CYYR1: variants seen among roughly 807,000 people sequenced by gnomAD.
CYYR1 encodes cysteine and tyrosine rich 1, also known as cysteine and tyrosine-rich protein 1.
A neutral mutation model predicts 15.2 loss-of-function variants in CYYR1; 14 were observed. The observed-to-expected ratio is 0.92, with a 90% CI of 0.61 to 1.44. The LOEUF (loss-of-function observed/expected upper bound fraction) is 1.44. Ranked by LOEUF, CYYR1 falls within the 40% of genes most tolerant of loss-of-function variation. CYYR1 has a pLI of 0.00. For missense variants in CYYR1, 228 were observed against 209.5 expected (o/e 1.09, Z -0.54); for synonymous variants, 80 against 77.4 (o/e 1.03, Z -0.18).
chr21:26,507,329 G>C (rs890690175), intron 2 of CYYR1, among the ~76,000 whole-genome samples: 1 of 152,062 alleles, frequency 6.6e-6, no homozygotes, highest in Non-Finnish European at 1.5e-5. Context: ...ACTATAGTAA[G>C]GAAAAAAGAG....
intron 2 of CYYR1, among the ~76,000 whole-genome samples, chr21:26,520,113 G>GATATATATATATATATATATATAT (rs71183558): frequency 8.3e-6 from 1 of 120,698 alleles, no homozygotes; most frequent in African/African-American, 3.4e-5. Flanking sequence ...AAACCCAGGA[G>GATATATATATATATATATATATAT]ATATATATAT....
intron 1 of CYYR1, among the ~76,000 whole-genome samples, chr21:26,567,596 G>A (rs972703927): frequency 2.6e-5 from 4 of 152,010 alleles, no homozygotes; most frequent in Non-Finnish European, 4.4e-5. Context: ...AAAACATTAA[G>A]TACAGTCTGA....
At chr21:26,527,324 C>T (rs1442920021) in intron 2 of CYYR1, among the ~76,000 whole-genome samples, 1 of 152,106 alleles carries the variant, frequency 6.6e-6, no homozygotes, top group Non-Finnish European at 1.5e-5. Flanking sequence ...AGTATTATGG[C>T]CTCTTTTTTA....
chr21:26,556,337 C>A (rs1469257899), intron 2 of CYYR1, among the ~76,000 whole-genome samples: 1 of 152,064 alleles, frequency 6.6e-6, no homozygotes, highest in Non-Finnish European at 1.5e-5. Flanking sequence ...ATCTATTAGG[C>A]CCTGTGGCTT....
chr21:26,476,683 T>C (rs1207041302), intron 3 of CYYR1, among the ~76,000 whole-genome samples: 2 of 152,066 alleles, frequency 1.3e-5, no homozygotes, highest in Non-Finnish European at 2.9e-5. Flanking sequence ...GACTCAATAA[T>C]ATACGTCAAA....
intron 2 of CYYR1, among the ~76,000 whole-genome samples, chr21:26,508,417 G>T (rs1352384576): frequency 6.6e-6 from 1 of 152,150 alleles, no homozygotes; most frequent in Non-Finnish European, 1.5e-5. Flanking sequence ...GGTTGGGTTG[G>T]ATTGTGGGAA....
At chr21:26,475,776 C>T (rs1485747572) in intron 3 of CYYR1, among the ~76,000 whole-genome samples, 1 of 152,128 alleles carries the variant, frequency 6.6e-6, no homozygotes, top group Non-Finnish European at 1.5e-5. Flanking sequence ...TTTCTCAGTT[C>T]ATGTTTGAAT....
chr21:26,530,566 A>T (rs1169886969), intron 2 of CYYR1, among the ~76,000 whole-genome samples: 1 of 152,024 alleles, frequency 6.6e-6, no homozygotes, highest in Admixed American at 6.6e-5. Context: ...GCACCCATCA[A>T]CCTGTCATCT....
At chr21:26,530,275 A>C (rs2065914860) in intron 2 of CYYR1, among the ~76,000 whole-genome samples, 1 of 151,992 alleles carries the variant, frequency 6.6e-6, no homozygotes, top group Non-Finnish European at 1.5e-5. Flanking sequence ...TATACTTTTT[A>C]ATTTTGAAGT....
intron 3 of CYYR1, among the ~76,000 whole-genome samples, chr21:26,478,404 G>A (rs920056623): frequency 3.9e-5 from 6 of 152,082 alleles, no homozygotes; most frequent in African/African-American, 1.4e-4. Flanking sequence ...GGCCTTGTGA[G>A]TTCATGGAAC....
chr21:26,482,661 C>T (rs149437805), intron 2 of CYYR1: 346 of 206,556 alleles, frequency 1.7e-3, no homozygotes, highest in African/African-American at 7.7e-3. Context: ...TTCACTCTTA[C>T]GTGATTGATA....
intron 2 of CYYR1, among the ~76,000 whole-genome samples, chr21:26,509,333 C>T (rs1569153640): frequency 6.6e-6 from 1 of 152,172 alleles, no homozygotes; most frequent in African/African-American, 2.4e-5. Flanking sequence ...TTACATTTTA[C>T]GTGAGTTCTT....
chr21:26,503,463 T>G (rs1008532657), intron 2 of CYYR1: 1 of 152,214 alleles, frequency 6.6e-6, no homozygotes, highest in African/African-American at 2.4e-5. Flanking sequence ...AAATTAATTA[T>G]AGAGCGAAAA....
At chr21:26,477,952 T>C in intron 3 of CYYR1, 1 of 1,423,928 alleles carries the variant, frequency 7.0e-7, no homozygotes. Context: ...GTGAGTACAT[T>C]CCAGGGTGAA....
chr21:26,544,966 A>G (rs1026815595), intron 2 of CYYR1, among the ~76,000 whole-genome samples: 5 of 152,036 alleles, frequency 3.3e-5, no homozygotes, highest in African/African-American at 1.2e-4. Context: ...AAAAACAAAA[A>G]AGAAAAAGAT....
At chr21:26,506,821 T>C (rs2065572942) in intron 2 of CYYR1, 1 of 152,198 alleles carries the variant, frequency 6.6e-6, no homozygotes, top group Non-Finnish European at 1.5e-5. Context: ...GACCCCTCAT[T>C]TGGTCACTTG....
intron 2 of CYYR1, among the ~76,000 whole-genome samples, chr21:26,494,766 T>C (rs191580363): frequency 1.3e-5 from 2 of 152,210 alleles, no homozygotes; most frequent in African/African-American, 4.8e-5. Context: ...GAAGAAAAGA[T>C]TTAAAAATCA....
chr21:26,552,363 T>C (rs1979457375), intron 2 of CYYR1, among the ~76,000 whole-genome samples: 2 of 152,156 alleles, frequency 1.3e-5, no homozygotes, highest in South Asian at 4.1e-4. Context: ...TTTCCATCCT[T>C]TTACTTAAGT....
chr21:26,513,668 A>T (rs2065681373), intron 2 of CYYR1, among the ~76,000 whole-genome samples: 1 of 152,042 alleles, frequency 6.6e-6, no homozygotes, highest in Non-Finnish European at 1.5e-5. Flanking sequence ...CACAGCCAGT[A>T]AGAAAAGGGG....
Sources: allele counts gnomAD v4.1 joint callset (sites outside exome capture counted in the v4.1 genomes callset), GRCh38; gene constraint gnomAD v4.1.1; transcripts MANE v1.5; gene names NCBI Gene and HGNC (gene_info 2026-07-23, HGNC 2026-07-21).